KCNIP1: variants seen among roughly 807,000 people sequenced by gnomAD.
KCNIP1 encodes A-type potassium channel modulatory protein KCNIP1.
In KCNIP1, 18 loss-of-function variants were observed where a neutral mutation model predicts 33.0. The observed-to-expected ratio is 0.55, with a 90% CI of 0.38 to 0.81. KCNIP1 has a LOEUF of 0.81. KCNIP1 is among the 30% of genes least tolerant of loss of function. The pLI, the probability that KCNIP1 is intolerant of heterozygous loss-of-function variation, is 0.00. For missense variants in KCNIP1, 238 were observed against 271.6 expected (o/e 0.88, Z 0.87); for synonymous variants, 93 against 98.3 (o/e 0.95, Z 0.32).
chr5:170,470,512 G>T (rs933451050), intron 1 of KCNIP1, among the ~76,000 whole-genome samples: 62 of 152,176 alleles, frequency 4.1e-4, no homozygotes, highest in African/African-American at 1.5e-3. Flanking sequence ...GCCAGAGAAA[G>T]TGAGGCATTT....
chr5:170,699,773 C>T (rs1017888643), intron 1 of KCNIP1, among the ~76,000 whole-genome samples: 15 of 152,058 alleles, frequency 9.9e-5, no homozygotes, highest in Non-Finnish European at 1.9e-4. Context: ...ACTTCCTTCC[C>T]CTTCCCATGA....
intron 1 of KCNIP1, among the ~76,000 whole-genome samples, chr5:170,526,658 C>A (rs968177954): frequency 1.3e-5 from 2 of 151,952 alleles, no homozygotes; most frequent in Non-Finnish European, 2.9e-5. Flanking sequence ...CTTTGCTCAG[C>A]CTGTCCCCAC....
At chr5:170,595,891 C>G (rs1440342888) in intron 1 of KCNIP1, among the ~76,000 whole-genome samples, 1 of 152,120 alleles carries the variant, frequency 6.6e-6, no homozygotes, top group East Asian at 1.9e-4. Context: ...GTTTGACATG[C>G]AAGACGCTCT....
intron 1 of KCNIP1, among the ~76,000 whole-genome samples, chr5:170,357,158 G>C (rs948095769): frequency 6.6e-6 from 1 of 151,616 alleles, no homozygotes; most frequent in Non-Finnish European, 1.5e-5. Flanking sequence ...TTCAAACCAC[G>C]AATGCAGTGA....
At chr5:170,595,753 G>C (rs1301397758) in intron 1 of KCNIP1, among the ~76,000 whole-genome samples, 1 of 152,194 alleles carries the variant, frequency 6.6e-6, no homozygotes, top group Non-Finnish European at 1.5e-5. Flanking sequence ...TTTTGCCAAG[G>C]TTACACTGCT....
chr5:170,506,607 G>A (rs555641752), intron 1 of KCNIP1, among the ~76,000 whole-genome samples: 64 of 152,224 alleles, frequency 4.2e-4, no homozygotes, highest in Non-Finnish European at 2.4e-4. Flanking sequence ...CTGTCTCCTC[G>A]GATTCTAAGA....
At chr5:170,717,180 G>T (rs919138163) in intron 1 of KCNIP1, among the ~76,000 whole-genome samples, 34 of 152,156 alleles carry the variant, frequency 2.2e-4, no homozygotes, top group African/African-American at 8.0e-4. Context: ...CTGTTAAAAT[G>T]GGTTAAAATA....
intron 1 of KCNIP1, among the ~76,000 whole-genome samples, chr5:170,651,756 C>T (rs1268849711): frequency 6.6e-6 from 1 of 152,144 alleles, no homozygotes; most frequent in African/African-American, 2.4e-5. Flanking sequence ...AGCATCCTCT[C>T]CCTTTGTAAC....
At chr5:170,590,104 A>G (rs1362563867) in intron 1 of KCNIP1, among the ~76,000 whole-genome samples, 1 of 152,136 alleles carries the variant, frequency 6.6e-6, no homozygotes, top group Non-Finnish European at 1.5e-5. Context: ...GATCATAGGT[A>G]AGTGCTGGTG....
intron 1 of KCNIP1, among the ~76,000 whole-genome samples, chr5:170,671,349 G>C (rs971228201): frequency 7.9e-5 from 12 of 152,068 alleles, no homozygotes; most frequent in African/African-American, 2.9e-4. Context: ...TCAGCACTTA[G>C]GCCCCCACAG....
intron 1 of KCNIP1, among the ~76,000 whole-genome samples, chr5:170,524,544 T>C (rs1047684369): frequency 6.6e-6 from 1 of 152,120 alleles, no homozygotes; most frequent in African/African-American, 2.4e-5. Context: ...CATGGGGTTG[T>C]TGGGAGGATT....
chr5:170,486,732 C>T (rs142456122), intron 1 of KCNIP1, among the ~76,000 whole-genome samples: 308 of 152,272 alleles, frequency 2.0e-3, no homozygotes, highest in African/African-American at 7.1e-3. Context: ...GATTTGCTAT[C>T]CTGCAGGCAA....
intron 1 of KCNIP1, among the ~76,000 whole-genome samples, chr5:170,464,941 A>C: frequency 6.6e-6 from 1 of 152,184 alleles, no homozygotes; most frequent in East Asian, 1.9e-4. Context: ...GTGGATGCCC[A>C]GACGGTTAGG....
At chr5:170,485,294 C>A (rs748512397) in intron 1 of KCNIP1, among the ~76,000 whole-genome samples, 33 of 152,210 alleles carry the variant, frequency 2.2e-4, no homozygotes, top group Non-Finnish European at 4.1e-4. Context: ...GGCCTCTGGT[C>A]TTGGGCCTGG....
At chr5:170,460,197 A>T (rs1340047413) in intron 1 of KCNIP1, among the ~76,000 whole-genome samples, 19 of 152,254 alleles carry the variant, frequency 1.2e-4, no homozygotes, top group Non-Finnish European at 2.6e-4. Flanking sequence ...AATGGTAATT[A>T]AAAAATTACC....
rs1330990497 is a variant in KCNIP1, at chr5:170,416,385, T to G, written c.88+62421T>G. Reference sequence around the variant, plus strand: ...CAGGCTCAGTCAGGGAAGGCCTGGATCCTCCACTTCCGGCTCCTCCCGGAA... The same window carrying G: ...CAGGCTCAGTCAGGGAAGGCCTGGAGCCTCCACTTCCGGCTCCTCCCGGAA... On this transcript the variant is annotated intron_variant, in intron 1 of 7. Coordinates refer to the KCNIP1 transcript ENST00000377360. Among the ~76,000 whole-genome samples, 4 of 152,004 alleles carry G rather than the reference T, an allele frequency of 2.6e-5. No homozygotes were observed. The East Asian group carries it at 7.7e-4, about 29-fold the overall frequency.
intron 1 of KCNIP1, among the ~76,000 whole-genome samples, chr5:170,604,149 A>C (rs1758804998): frequency 2.6e-5 from 4 of 152,152 alleles, no homozygotes; most frequent in Admixed American, 2.6e-4. Flanking sequence ...TGACTTGCCC[A>C]ACAGGTGGCG....
In KCNIP1 at chr5:170,515,137, C is replaced by T. The variant is rs1755075507; in HGVS notation, c.61+10504C>T. ...CACCAGCTTTGGCCACTTCCAAAGC[C>T]CTTGATGTTGACACTCCAAATGCAG... On this transcript the variant is annotated intron_variant, in intron 1 of 7. Transcript: ENST00000328939. Among the ~76,000 whole-genome samples the T allele has an allele frequency of 2.0e-5, 3 of 152,122 alleles. No homozygotes were observed. In the South Asian group the frequency reaches 6.2e-4, roughly 32 times the overall value.
intron 1 of KCNIP1, among the ~76,000 whole-genome samples, chr5:170,532,048 C>T (rs903366191): frequency 6.6e-6 from 1 of 152,232 alleles, no homozygotes; most frequent in African/African-American, 2.4e-5. Flanking sequence ...CCAACTCCTC[C>T]ATGACCTCTG....
Sources: allele counts gnomAD v4.1 joint callset (sites outside exome capture counted in the v4.1 genomes callset), GRCh38; gene constraint gnomAD v4.1.1; transcripts MANE v1.5; gene names NCBI Gene and HGNC (gene_info 2026-07-23, HGNC 2026-07-21).